The following CGRRF1 variants were observed in gnomAD, a reference collection of about 807,000 sequenced individuals.
The protein encoded by CGRRF1 is cell growth regulator with RING finger domain protein 1.
Under a neutral mutation model 37.2 loss-of-function variants are expected in CGRRF1, and 32 were observed. The observed-to-expected ratio is 0.86, with a 90% CI of 0.65 to 1.16. The LOEUF (loss-of-function observed/expected upper bound fraction) is 1.16, where lower values mean the gene tolerates loss of function less well. CGRRF1 is among the 50% of genes most tolerant of loss of function. The pLI is 0.00. For synonymous variants in CGRRF1, 141 were observed against 140.3 expected (o/e 1.00, Z -0.04); for missense variants, 391 against 382.6 (o/e 1.02, Z -0.18).
chr14:54,532,845 T>C (rs2032538807), intron 4 of CGRRF1, among the ~76,000 whole-genome samples: 1 of 152,090 alleles, frequency 6.6e-6, no homozygotes, highest in Admixed American at 6.6e-5. Flanking sequence ...TCAGTTTCAG[T>C]TAGAGATAAA....
chr14:54,519,265 T>C (rs2032273476), intron 1 of CGRRF1, among the ~76,000 whole-genome samples: 3 of 151,586 alleles, frequency 2.0e-5, no homozygotes, highest in East Asian at 1.9e-4. Flanking sequence ...TGAGACAGAA[T>C]CTCTCTGTGT....
chr14:54,538,841 C>A lies in CGRRF1; in HGVS notation c.*458C>A, dbSNP rs1250027982. On this transcript the variant is annotated 3_prime_UTR_variant, in exon 6 of 6. Transcript: ENST00000216420. The stretch of plus-strand genomic sequence containing the variant: ...GGAGTTGGAATGAGCTTCTTTAGAT[C>A]TTTTCCTGAAATAACAGCTTTTATA... 1 of 153,858 alleles carries A rather than the reference C, an allele frequency of 6.5e-6. No individual in the cohort carries two copies. 9.5% of individuals were successfully genotyped at this position (153,858 alleles called of 1,614,324 possible).
At chr14:54,515,121 G>A (rs534454750) in intron 1 of CGRRF1, among the ~76,000 whole-genome samples, 2 of 136,542 alleles carry the variant, frequency 1.5e-5, no homozygotes, top group South Asian at 2.3e-4. Context: ...ACAGAGTCTC[G>A]CTCTGTCACC....
Position 54,509,908 on chromosome 14 carries a change from G to A in CGRRF1, c.-52G>A. 7.1e-7 allele frequency: 1 copy of A among 1,399,176 alleles called. No homozygotes were observed. Among genetic ancestry groups the A allele is most frequent in the Non-Finnish European group, 1.0e-6 (1 of 986,122 alleles). The allele number at this position is 1,399,176 out of a possible 1,614,324, so 86.7% of individuals were successfully genotyped here. A position where few individuals can be genotyped will look rare whatever the true frequency, so the allele number is the denominator to read the frequency against. On this transcript the variant is annotated 5_prime_UTR_variant, in exon 1 of 6. Transcript: ENST00000216420. ...GGCCGGGCGGGCGGGGCTCAGCCGG[G>A]CTGGGCTGGGCTCCGCGGCTGGAGC...
intron 1 of CGRRF1, among the ~76,000 whole-genome samples, chr14:54,514,429 T>C (rs1435407787): frequency 6.6e-6 from 1 of 151,976 alleles, no homozygotes; most frequent in African/African-American, 2.4e-5. Flanking sequence ...TTTTATAACG[T>C]TGAGATTTCT....
In CGRRF1 at chr14:54,530,071, T is replaced by A. The variant is rs1445054977; in HGVS notation, c.267T>A (p.Asp89Glu). 6.2e-7 allele frequency: 1 copy of A among 1,610,952 alleles called. No individual in the cohort carries two copies. Among genetic ancestry groups the A allele is most frequent in the South Asian group, 1.1e-5 (1 of 90,824 alleles). The change falls in exon 3 of 6, where the codon GAT becomes GAA. Residue 89 changes from aspartate (D) to glutamate (E), a missense_variant. By Grantham distance (45) the Asp-to-Glu change is conservative (BLOSUM62 2). Coordinates refer to ENST00000216420, the MANE Select transcript of CGRRF1 (RefSeq NM_006568.3). ...SITTGITLTT[D>E]CLEDSLLTCY... ...CAGCTGGCATAACCTTGACAACAGA[T>A]TGCCTTGAAGATAGCCTCCTTACAT...
intron 2 of CGRRF1, among the ~76,000 whole-genome samples, chr14:54,523,939 C>CT (rs1386058649): frequency 6.6e-6 from 1 of 152,212 alleles, no homozygotes; most frequent in Non-Finnish European, 1.5e-5. Context: ...AGATCTTTCT[C>CT]TGCTTTTCAT....
rs75987656 is a variant in CGRRF1, at chr14:54,509,926, G to A, written c.-34G>A. 17,001 of 1,527,742 alleles carry A rather than the reference G, an allele frequency of 0.011. 590 individuals are homozygous for A. Among genetic ancestry groups the A allele is most frequent in the East Asian group, 0.11 (4,699 of 44,210 alleles). The allele number at this position is 1,527,742 out of a possible 1,614,324, so 94.6% of individuals were successfully genotyped here. ...CAGCCGGGCTGGGCTGGGCTCCGCGGCTGGAGCCGGGCTCTACCCAGAGCA... is the reference window on the plus strand; with the variant it reads ...CAGCCGGGCTGGGCTGGGCTCCGCGACTGGAGCCGGGCTCTACCCAGAGCA... On this transcript the variant is annotated 5_prime_UTR_variant, in exon 1 of 6. Coordinates refer to ENST00000216420, the MANE Select transcript of CGRRF1 (RefSeq NM_006568.3).
intron 1 of CGRRF1, among the ~76,000 whole-genome samples, chr14:54,510,590 C>T (rs776678598): frequency 6.6e-6 from 1 of 152,214 alleles, no homozygotes; most frequent in Non-Finnish European, 1.5e-5. Flanking sequence ...TTTCTGTATA[C>T]ATTCCACACC....
In CGRRF1 at chr14:54,521,255, G is replaced by A. The variant is rs570727423; in HGVS notation, c.105-1199G>A. Among the ~76,000 whole-genome samples, 21 of 152,146 alleles carry A rather than the reference G, an allele frequency of 1.4e-4. No homozygotes were observed. In the East Asian group the frequency reaches 3.7e-3, roughly 27 times the overall value. On this transcript the variant is annotated intron_variant, in intron 1 of 5. Coordinates refer to ENST00000216420, the MANE Select transcript of CGRRF1 (RefSeq NM_006568.3). ...GTGGGCGGATCACCTAAGGTCAGGA[G>A]TTCGAGACCAGCCTGGTCAATATGG...
Position 54,531,044 on chromosome 14 carries a change from T to C in CGRRF1, c.564T>C (p.Tyr188=). The part of the protein sequence containing the change: ...TLADEDDREI[Y]DIISMVSVIH... ...CTGATGAGGATGACCGGGAAATTTATGATATTGTAAGTAATTGAAAATTTT... is the reference window on the plus strand; with the variant it reads ...CTGATGAGGATGACCGGGAAATTTACGATATTGTAAGTAATTGAAAATTTT... The change falls in exon 4 of 6, where the codon TAT becomes TAC. Residue 188 remains tyrosine, a synonymous_variant. Transcript: ENST00000216420. 1 of 1,607,658 alleles carries C rather than the reference T, an allele frequency of 6.2e-7. No individual in the cohort carries two copies. The highest frequency in any genetic ancestry group is 8.5e-7 in the Non-Finnish European group (1 of 1,177,524).
At position 54,537,734 on chromosome 14, in the gene CGRRF1, TCAGTGATTCATATTCCTGATAG is replaced by T; in HGVS notation, c.584_605del (p.Ser195Ter). 6.4e-7 allele frequency: 1 copy of T among 1,570,896 alleles called. No homozygotes were observed. Among genetic ancestry groups the T allele is most frequent in the Non-Finnish European group, 8.6e-7 (1 of 1,163,586 alleles). On this transcript the variant is annotated frameshift_variant, in exon 5 of 6. Coordinates refer to ENST00000216420, the MANE Select transcript of CGRRF1 (RefSeq NM_006568.3). LOFTEE classifies it high-confidence loss of function. Reference sequence around the variant, plus strand: ...ATTTTTATTTTAGATTTCCATGGTGTCAGTGATTCATATTCCTGATAGGACTTATAAACTATCCTGCAGAATA... The same window carrying T: ...ATTTTTATTTTAGATTTCCATGGTGTGACTTATAAACTATCCTGCAGAATA...
intron 4 of CGRRF1, among the ~76,000 whole-genome samples, chr14:54,532,471 G>T (rs1369379385): frequency 6.6e-6 from 1 of 152,038 alleles, no homozygotes; most frequent in Non-Finnish European, 1.5e-5. Context: ...GGGATTTTTG[G>T]TGCTCTTGCC....
intron 1 of CGRRF1, among the ~76,000 whole-genome samples, chr14:54,512,252 A>G (rs964033075): frequency 6.6e-6 from 1 of 152,068 alleles, no homozygotes; most frequent in African/African-American, 2.4e-5. Flanking sequence ...ACTGTTTGCC[A>G]TGTCTGCCTG....
At position 54,520,379 on chromosome 14, in the gene CGRRF1, C is replaced by T. The variant is rs535196845; in HGVS notation, c.105-2075C>T. 6.6e-5 allele frequency among the ~76,000 whole-genome samples: 10 copies of T among 152,258 alleles called. No homozygotes were observed. The East Asian group carries it at 7.7e-4, about 12-fold the overall frequency. The stretch of plus-strand genomic sequence containing the variant: ...CGATCTCCTGGCCTCATGATCCATC[C>T]GCCTCGGCCTCCCAAAGTGCTGGGA... On this transcript the variant is annotated intron_variant, in intron 1 of 5. Coordinates refer to ENST00000216420, the MANE Select transcript of CGRRF1 (RefSeq NM_006568.3).
intron 2 of CGRRF1, among the ~76,000 whole-genome samples, chr14:54,529,519 T>A (rs546232168): frequency 6.6e-5 from 10 of 152,364 alleles, no homozygotes; most frequent in African/African-American, 2.4e-4. Context: ...ACATTAAGTC[T>A]GTGACAAGCC....
intron 4 of CGRRF1, among the ~76,000 whole-genome samples, chr14:54,532,639 G>A (rs1026208130): frequency 6.6e-6 from 1 of 150,886 alleles, no homozygotes; most frequent in Non-Finnish European, 1.5e-5. Context: ...CAGCAGTAGT[G>A]TATTTCCAGA....
rs1392797286 is a variant in CGRRF1 at position 54,538,123 on chromosome 14, A to G, written c.739A>G (p.Lys247Glu). ...CTCCAACAATTCCTCTTCAGAAGAA[A>G]AAAACACAGACAGAAGTTTGTTGGA... Reference protein sequence around the residue: ...TPSNNSSSEEKNTDRSLLEKV... With the variant: ...TPSNNSSSEEENTDRSLLEKV... The change falls in exon 6 of 6, where the codon AAA becomes GAA. Residue 247 changes from lysine to glutamate, a missense_variant. Coordinates refer to ENST00000216420, the MANE Select transcript of CGRRF1 (RefSeq NM_006568.3). 6.2e-7 allele frequency: 1 copy of G among 1,614,152 alleles called. No homozygotes were observed. The highest frequency in any genetic ancestry group is 1.7e-5 in the Admixed American group (1 of 60,018).
At position 54,522,545 on chromosome 14, in the gene CGRRF1, A is replaced by T. The variant is rs1461417151; in HGVS notation, c.196A>T (p.Asn66Tyr). 6.2e-7 allele frequency: 1 copy of T among 1,606,388 alleles called. No homozygotes were observed. The highest frequency in any genetic ancestry group is 1.1e-5 in the South Asian group (1 of 89,348). Residue 66 changes from asparagine (N) to tyrosine (Y), a missense_variant, in exon 2 of 6, where the codon AAT becomes TAT. By Grantham distance (143) the Asn-to-Tyr change is moderately radical. Coordinates refer to ENST00000216420, the MANE Select transcript of CGRRF1 (RefSeq NM_006568.3). Reference protein sequence around the residue: ...VFKKQMRQVKNPFGLEITNPS... With the variant: ...VFKKQMRQVKYPFGLEITNPS... The stretch of plus-strand genomic sequence containing the variant: ...CAAAAAGCAAATGAGACAAGTCAAG[A>T]ATCCTTTTGGCTTAGAGATCACTAA...
Sources: allele counts gnomAD v4.1 joint callset (sites outside exome capture counted in the v4.1 genomes callset), GRCh38; gene constraint gnomAD v4.1.1; transcripts MANE v1.5; gene names NCBI Gene and HGNC (gene_info 2026-07-23, HGNC 2026-07-21).